STRA6: variants seen among roughly 807,000 people sequenced by gnomAD.
The protein encoded by STRA6 is receptor for retinol uptake STRA6.
In STRA6, 48 loss-of-function variants were observed where a neutral mutation model predicts 83.6. The ratio of observed to expected loss-of-function variants is 0.57; its 90% confidence interval spans 0.46 to 0.73. The LOEUF is 0.73. Among genes scored for constraint, STRA6 ranks in the 30% least tolerant of loss-of-function variants. STRA6 has a pLI of 0.00. For synonymous variants in STRA6, 353 were observed against 362.3 expected (o/e 0.97, Z 0.29); for missense variants, 760 against 838.8 (o/e 0.91, Z 1.16).
intron 8 of STRA6, 84 bp downstream of exon 8, chr15:74,193,716 G>A (rs552404322): frequency 1.9e-5 from 31 of 1,592,134 alleles, no homozygotes; most frequent in Non-Finnish European, 2.5e-5. Flanking sequence ...ATCAAGCACG[G>A]CCATGTATCT....
chr15:74,194,370 G>A, intron 7 of STRA6: 1 of 1,064,736 alleles, frequency 9.4e-7, no homozygotes, highest in Non-Finnish European at 1.1e-6. Flanking sequence ...TGGGCTTTTT[G>A]TATACTCATT....
intron 12 of STRA6, among the ~76,000 whole-genome samples, chr15:74,186,774 A>G (rs1423255030): frequency 3.3e-5 from 5 of 152,144 alleles, no homozygotes; most frequent in African/African-American, 1.2e-4. Context: ...CCATCTCAAA[A>G]GAAAAAAAAA....
intron 4 of STRA6, 85 bp downstream of exon 4, chr15:74,197,253 A>T: frequency 1.0e-6 from 1 of 961,298 alleles, no homozygotes; most frequent in Non-Finnish European, 1.6e-6. Flanking sequence ...GCTGCCTTTT[A>T]GGTACCTAAC....
At chr15:74,207,947 T>A (rs2074299729) in intron 1 of STRA6, 1 of 1,445,590 alleles carries the variant, frequency 6.9e-7, no homozygotes, top group East Asian at 2.5e-5. Context: ...CCACCTCCTG[T>A]CTCTCTACCT....
upstream of STRA6, chr15:74,203,078 C>T: frequency 4.1e-6 from 4 of 985,630 alleles, no homozygotes; most frequent in Non-Finnish European, 4.8e-6. Context: ...GACAGGAGAC[C>T]AGCATTACAG....
chr15:74,206,679 G>A (rs1337989762), upstream of STRA6, among the ~76,000 whole-genome samples: 1 of 152,230 alleles, frequency 6.6e-6, no homozygotes, highest in African/African-American at 2.4e-5. Context: ...AGTCTTGCAG[G>A]CTCCCTGGAG....
intron 12 of STRA6, among the ~76,000 whole-genome samples, chr15:74,186,419 C>T (rs1310746696): frequency 6.6e-6 from 1 of 152,228 alleles, no homozygotes; most frequent in Non-Finnish European, 1.5e-5. Flanking sequence ...ACCAGCCTGA[C>T]CAATATGGTG....
intron 4 of STRA6, among the ~76,000 whole-genome samples, chr15:74,196,932 C>A (rs756818810): frequency 3.3e-5 from 5 of 152,210 alleles, no homozygotes; most frequent in Non-Finnish European, 5.9e-5. Context: ...GCTATAGGGG[C>A]TAGATGTCAG....
chr15:74,186,726 G>A (rs865944804), intron 12 of STRA6, among the ~76,000 whole-genome samples: 23 of 152,146 alleles, frequency 1.5e-4, no homozygotes, highest in Admixed American at 5.2e-4. Context: ...AGCCGAGATT[G>A]CACCACTGCA....
rs1469692650 is a variant in STRA6 at position 74,183,806 on chromosome 15, T to C, written c.1300+50A>G. On this transcript the variant is annotated intron_variant, in intron 14 of 18. Transcript: ENST00000395105. The stretch of plus-strand genomic sequence containing the variant: ...CTTCTCCCCAACTGAGGCCAGTGTC[T>C]GAGGGGAGGCCCAGGCCAAGGCTGG... 3.7e-6 allele frequency: 6 copies of C among 1,612,944 alleles called. 1 individual carries two copies. The Admixed American group carries it at 1.0e-4, about 27-fold the overall frequency.
In STRA6 at chr15:74,180,392, G is replaced by C. The variant is rs1359247888; in HGVS notation, c.1841-149C>G. ...CCCTGCAGGCAGCACATGGAAGTGG[G>C]GGGTGAGGTCTGTGGATGGACTGGA... On this transcript the variant is annotated intron_variant, in intron 18 of 18. Coordinates refer to ENST00000395105, the MANE Select transcript of STRA6 (RefSeq NM_022369.4). The C allele has an allele frequency of 1.2e-5, 12 of 1,019,770 alleles. No homozygotes were observed. In the South Asian group the frequency reaches 1.6e-4, roughly 14 times the overall value. 63.2% of individuals were successfully genotyped at this position (1,019,770 alleles called of 1,614,324 possible).
intron 8 of STRA6, 138 bp from the exon 9 acceptor site, chr15:74,191,629 G>C: frequency 1.3e-6 from 1 of 756,222 alleles, no homozygotes; most frequent in Non-Finnish European, 2.3e-6. Context: ...GGTGAGTGTG[G>C]ATGGGGCTGA....
chr15:74,195,805 T>C (rs1276061026), intron 5 of STRA6, 130 bp from the exon 6 acceptor site: 35 of 926,142 alleles, frequency 3.8e-5, no homozygotes, highest in Non-Finnish European at 5.4e-5. Flanking sequence ...GTTCCTCCAT[T>C]GCAAAATGGG....
chr15:74,184,457 C>T (rs1370987766), intron 13 of STRA6, among the ~76,000 whole-genome samples: 1 of 152,210 alleles, frequency 6.6e-6, no homozygotes, highest in Admixed American at 6.5e-5. Flanking sequence ...CCCCTTCCAC[C>T]TGCCCTGGGC....
intron 1 of STRA6, 99 bp downstream of exon 1, chr15:74,202,613 AG>A (rs1677137715): frequency 6.9e-7 from 1 of 1,441,622 alleles, no homozygotes; most frequent in Non-Finnish European, 9.0e-7. Context: ...GTGTGTTCAA[AG>A]GACCATTTTC....
intron 11 of STRA6, 48 bp downstream of exon 11, chr15:74,190,792 G>C: frequency 6.2e-7 from 1 of 1,613,608 alleles, no homozygotes; most frequent in South Asian, 1.1e-5. Context: ...CTTGGGGGTT[G>C]AGGGCAGGGC....
At chr15:74,184,850 G>C in intron 13 of STRA6, 130 bp downstream of exon 13, 1 of 877,324 alleles carries the variant, frequency 1.1e-6, no homozygotes, top group East Asian at 2.7e-5. Context: ...GCCACGCACA[G>C]GTGGGCTCCA....
chr15:74,199,493 C>G (rs1032586932), intron 2 of STRA6, among the ~76,000 whole-genome samples: 1 of 152,184 alleles, frequency 6.6e-6, no homozygotes, highest in Non-Finnish European at 1.5e-5. Context: ...CAGCCGGCAT[C>G]TCCCCGCATG....
At chr15:74,209,676 AG>A, upstream of STRA6, 1 of 533,742 alleles carries the variant, frequency 1.9e-6, no homozygotes, top group South Asian at 2.6e-5. Context: ...GCTGCTGGAC[AG>A]TCGGCTGCAT....
Sources: gnomAD v4.1 joint callset for allele counts (sites outside exome capture counted in the v4.1 genomes callset) on GRCh38, gnomAD v4.1.1 for gene constraint, MANE v1.5 for transcripts, NCBI Gene and HGNC (gene_info 2026-07-23, HGNC 2026-07-21) for gene names.